The following GPHN variants were observed in gnomAD, a reference collection of about 807,000 sequenced individuals.
GPHN encodes gephyrin.
A neutral mutation model predicts 95.5 loss-of-function variants in GPHN; 17 were observed. The observed-to-expected ratio is 0.18, with a 90% CI of 0.12 to 0.27. The LOEUF (loss-of-function observed/expected upper bound fraction) is 0.27, where lower values mean the gene tolerates loss of function less well. GPHN is among the 10% of genes least tolerant of loss of function. GPHN has a pLI of 1.00. For missense variants in GPHN, 660 were observed against 978.1 expected, an observed-to-expected ratio of 0.67 and a Z score of 4.34; for synonymous variants, 320 against 322.5, an observed-to-expected ratio of 0.99 and a Z score of 0.08.
intron 9 of GPHN, among the ~76,000 whole-genome samples, chr14:66,998,914 T>C (rs888952635): frequency 6.7e-6 from 1 of 149,742 alleles, no homozygotes; most frequent in African/African-American, 2.4e-5. Flanking sequence ...TACACATATA[T>C]ATATATACAC....
the GPHN span, chr14:67,393,173 C>T: frequency 6.2e-7 from 1 of 1,613,666 alleles, no homozygotes; most frequent in East Asian, 2.2e-5. Context: ...TTTATAGGTG[C>T]TTCCCTGCTC....
At chr14:66,538,717 T>A (rs772286314) in intron 1 of GPHN, among the ~76,000 whole-genome samples, 18 of 151,760 alleles carry the variant, frequency 1.2e-4, no homozygotes, top group Non-Finnish European at 2.4e-4. Flanking sequence ...CATTGTCTCC[T>A]AACTCCACTA....
At chr14:67,060,092 C>A (rs767940270) in intron 11 of GPHN, among the ~76,000 whole-genome samples, 2 of 151,596 alleles carry the variant, frequency 1.3e-5, no homozygotes, top group Non-Finnish European at 2.9e-5. Flanking sequence ...AATAAATAAA[C>A]CATCCCTGGT....
At chr14:67,707,612 A>C in the GPHN span, among the ~76,000 whole-genome samples, 1 of 152,214 alleles carries the variant, frequency 6.6e-6, no homozygotes, top group Non-Finnish European at 1.5e-5. Flanking sequence ...TATTTTTAGT[A>C]GAGATGGGAT....
chr14:66,885,879 T>A (rs1314951545), intron 5 of GPHN, among the ~76,000 whole-genome samples: 1 of 147,800 alleles, frequency 6.8e-6, no homozygotes, highest in Admixed American at 6.7e-5. Context: ...GGAGAGAAGC[T>A]GATTTCTAGA....
chr14:67,308,064 A>G, the GPHN span, among the ~76,000 whole-genome samples: 1 of 152,038 alleles, frequency 6.6e-6, no homozygotes, highest in Non-Finnish European at 1.5e-5. Flanking sequence ...AACAACACAC[A>G]CTAGGGTCTT....
chr14:67,072,714 G>A (rs1264517270), intron 11 of GPHN, among the ~76,000 whole-genome samples: 1 of 151,336 alleles, frequency 6.6e-6, no homozygotes, highest in Non-Finnish European at 1.5e-5. Context: ...GGAATTTATT[G>A]ACTATTTTCT....
At chr14:67,680,741 G>A in the GPHN span, among the ~76,000 whole-genome samples, 2 of 152,206 alleles carry the variant, frequency 1.3e-5, no homozygotes, top group Admixed American at 6.5e-5. Flanking sequence ...TTACAGGCGT[G>A]AGCCGCCGCG....
At chr14:67,690,146 C>T in the GPHN span, 1 of 1,439,198 alleles carries the variant, frequency 6.9e-7, no homozygotes, top group Non-Finnish European at 9.7e-7. Context: ...AAACAGTTTC[C>T]ATTCCTGTGG....
chr14:66,641,937 G>T (rs1448817805), intron 1 of GPHN, among the ~76,000 whole-genome samples: 1 of 151,990 alleles, frequency 6.6e-6, no homozygotes, highest in Non-Finnish European at 1.5e-5. Flanking sequence ...GATAATCAAG[G>T]CAATCTTAAG....
At chr14:66,740,907 A>T (rs1029325501) in intron 2 of GPHN, among the ~76,000 whole-genome samples, 1 of 152,150 alleles carries the variant, frequency 6.6e-6, no homozygotes, top group Non-Finnish European at 1.5e-5. Context: ...ATAAAGAAAA[A>T]ATTTATTTCT....
chr14:67,365,158 C>G, the GPHN span: 1 of 817,502 alleles, frequency 1.2e-6, no homozygotes, highest in Non-Finnish European at 1.8e-6. Flanking sequence ...GAAAAGGATG[C>G]CAATTAGCTA....
At chr14:67,201,547 G>C in the GPHN span, 6 of 455,662 alleles carry the variant, frequency 1.3e-5, no homozygotes, top group Non-Finnish European at 2.6e-5. Flanking sequence ...CGTTTTCCAG[G>C]GTTGGAGGAT....
chr14:67,501,277 G>A, the GPHN span, among the ~76,000 whole-genome samples: 2 of 151,928 alleles, frequency 1.3e-5, no homozygotes, highest in African/African-American at 4.8e-5. Context: ...CTAGAACTAG[G>A]GTGAGACAAG....
intron 9 of GPHN, among the ~76,000 whole-genome samples, chr14:66,970,702 CT>C (rs1206939579): frequency 1.3e-5 from 2 of 152,106 alleles, no homozygotes; most frequent in Non-Finnish European, 2.9e-5. Context: ...AGCTTCTTTG[CT>C]TTTGCTGAAA....
intron 1 of GPHN, among the ~76,000 whole-genome samples, chr14:66,546,194 C>T (rs1029545156): frequency 6.6e-6 from 1 of 150,994 alleles, no homozygotes. Context: ...AGAGGCGCTC[C>T]TCACTTCCTA....
chr14:66,915,988 T>C lies in GPHN; in HGVS notation c.390-15T>C. 1 of 1,506,582 alleles carries C rather than the reference T, an allele frequency of 6.6e-7. No individual in the cohort carries two copies. The highest frequency in any genetic ancestry group is 9.2e-7 in the Non-Finnish European group (1 of 1,081,814). The allele number at this position is 1,506,582 out of a possible 1,614,324, so 93.3% of individuals were successfully genotyped here. ...ATAGCAATTTAGTGTTCATCTACTT[T>C]CTCTTTTCTTTCAGGCCTGTATGTG... On this transcript the variant is annotated splice_polypyrimidine_tract_variant and intron_variant, in intron 5 of 22. Coordinates refer to ENST00000478722, the MANE Select transcript of GPHN (RefSeq NM_020806.5).
intron 2 of GPHN, among the ~76,000 whole-genome samples, chr14:66,681,562 TAGAA>T (rs1032359417): frequency 2.0e-5 from 3 of 152,108 alleles, no homozygotes; most frequent in African/African-American, 7.2e-5. Flanking sequence ...TAATTATAAT[TAGAA>T]ATATAAAGTA....
the GPHN span, chr14:67,383,323 G>A: frequency 6.2e-7 from 1 of 1,613,260 alleles, no homozygotes; most frequent in South Asian, 1.1e-5. Context: ...AGCCCAAAGT[G>A]GTCACAGATA....
Sources: allele counts gnomAD v4.1 joint callset (sites outside exome capture counted in the v4.1 genomes callset), GRCh38; gene constraint gnomAD v4.1.1; transcripts MANE v1.5; gene names NCBI Gene and HGNC (gene_info 2026-07-23, HGNC 2026-07-21).